The following CCZ1 variants were observed in gnomAD, a reference collection of about 807,000 sequenced individuals.
CCZ1 encodes the protein CCZ1 vacuolar protein trafficking and biogenesis associated.
Under a neutral mutation model 57.8 loss-of-function variants are expected in CCZ1, and 19 were observed. The observed-to-expected ratio is 0.33, with a 90% confidence interval of 0.23 to 0.48. The LOEUF (loss-of-function observed/expected upper bound fraction) is 0.48, where lower values mean the gene tolerates loss of function less well. Ranked by LOEUF, CCZ1 falls within the 20% of genes least tolerant of loss-of-function variation. The pLI is 0.99. For synonymous variants in CCZ1, 81 were observed against 167.0 expected, an observed-to-expected ratio of 0.49 and a Z score of 3.97; for missense variants, 200 against 492.0, an observed-to-expected ratio of 0.41 and a Z score of 5.61.
At chr7:5,911,215 T>C (rs1347237615) in intron 8 of CCZ1, among the ~76,000 whole-genome samples, 1 of 149,256 alleles carries the variant, frequency 6.7e-6, no homozygotes, top group African/African-American at 2.5e-5. Context: ...AGAGAACTTT[T>C]AAATGATATC....
intron 8 of CCZ1, among the ~76,000 whole-genome samples, chr7:5,911,062 T>C (rs892886935): frequency 2.7e-5 from 4 of 148,860 alleles, no homozygotes; most frequent in Non-Finnish European, 5.9e-5. Context: ...GATCGGGTTC[T>C]AGGAACCTTT....
intron 3 of CCZ1, 98 bp downstream of exon 3, chr7:5,900,664 C>T (rs1412465929): frequency 6.4e-6 from 8 of 1,245,228 alleles, no homozygotes; most frequent in South Asian, 1.7e-5. Flanking sequence ...GCTGTTGCAT[C>T]CAAGTAAAAT....
chr7:5,912,377 C>CTTTTTTTTTTTTTTTTTTTTTTT, intron 9 of CCZ1, among the ~76,000 whole-genome samples: 1 of 54,672 alleles, frequency 1.8e-5, no homozygotes, highest in Non-Finnish European at 3.2e-5. Flanking sequence ...TCAGCATACC[C>CTTTTTTTTTTTTTTTTTTTTTTT]TTTTTTTTTT....
rs1308106099 is a variant in CCZ1, at chr7:5,912,846, T to G, written c.846T>G (p.Phe282Leu). Residue 282 changes from phenylalanine to leucine, a missense_variant, in exon 10 of 15, where the codon TTT becomes TTG. Physicochemically the swap from Phe to Leu is conservative, Grantham distance 22 (BLOSUM62 0). Around this residue, in one of 5 missense-constraint regions of CCZ1, gnomAD observed 128 missense variants for 178.4 expected, o/e 0.72. Coordinates refer to ENST00000325974, the MANE Select transcript of CCZ1 (RefSeq NM_015622.6). ...MPGNLQHYGR[F>L]LTGPLNLNDP... ...CATGTCTGTTCTTGCTTTTAAGATT[T>G]CTTACCGGACCCTTGAACCTCAATG... 6.7e-7 allele frequency: 1 copy of G among 1,484,108 alleles called. No homozygotes were observed. The highest frequency in any genetic ancestry group is 2.3e-5 in the East Asian group (1 of 43,794). The allele number at this position is 1,484,108 out of a possible 1,614,324, so 91.9% of individuals were successfully genotyped here.
intron 1 of CCZ1, among the ~76,000 whole-genome samples, chr7:5,899,451 T>G (rs1375196196): frequency 7.1e-6 from 1 of 140,124 alleles, no homozygotes; most frequent in East Asian, 2.3e-4. Context: ...TTCCAGCAAG[T>G]CAGACTTCTG....
intron 7 of CCZ1, among the ~76,000 whole-genome samples, chr7:5,906,806 T>C (rs1166841471): frequency 6.6e-6 from 1 of 150,958 alleles, no homozygotes; most frequent in African/African-American, 2.5e-5. Flanking sequence ...AACAACTTGG[T>C]GGGTTTCCAC....
chr7:5,899,329 A>AGG (rs879316596), intron 1 of CCZ1, among the ~76,000 whole-genome samples: 11 of 62,894 alleles, frequency 1.7e-4, no homozygotes, highest in East Asian at 5.5e-4. Flanking sequence ...TAATTTCGGG[A>AGG]GGGGGGTGTG....
Position 5,925,918 on chromosome 7 carries a change from A to ATTATGTGAATATT in CCZ1, c.*235_*247dup. The ATTATGTGAATATT allele has an allele frequency of 1.4e-6, 1 of 714,180 alleles. No individual in the cohort carries two copies. Among genetic ancestry groups the ATTATGTGAATATT allele is most frequent in the Non-Finnish European group, 2.4e-6 (1 of 423,332 alleles). The allele number at this position is 714,180 out of a possible 1,614,324, so 44.2% of individuals were successfully genotyped here. A position where few individuals can be genotyped will look rare whatever the true frequency, so the allele number is the denominator to read the frequency against. ...ATCGCTATCATTTCATTCTTTTGAC[A>ATTATGTGAATATT]TTATGTGAATATTTTACTGGAAAAT... On this transcript the variant is annotated 3_prime_UTR_variant, in exon 15 of 15. Transcript: ENST00000325974.
intron 5 of CCZ1, chr7:5,901,914 T>G (rs927024202): frequency 3.9e-6 from 2 of 508,274 alleles, no homozygotes; most frequent in African/African-American, 3.9e-5. Flanking sequence ...TTTCTCAGCC[T>G]TATAGTAGGA....
intron 7 of CCZ1, among the ~76,000 whole-genome samples, chr7:5,909,249 T>C (rs1781909775): frequency 2.0e-5 from 3 of 149,486 alleles, no homozygotes; most frequent in Admixed American, 2.0e-4. Context: ...GGTGAGCCTC[T>C]TGATATAATG....
chr7:5,902,509 C>G (rs1781706846), intron 5 of CCZ1, 152 bp from the exon 6 acceptor site: 1 of 1,308,212 alleles, frequency 7.6e-7, no homozygotes, highest in Non-Finnish European at 9.9e-7. Context: ...ACATTTTTAA[C>G]TCAAGTTTTC....
In CCZ1 at chr7:5,907,378, C is replaced by A. The variant is rs79129322; in HGVS notation, c.698+2109C>A. On this transcript the variant is annotated intron_variant, in intron 7 of 14. Coordinates refer to ENST00000325974, the MANE Select transcript of CCZ1 (RefSeq NM_015622.6). ...TGACAGGACGTGCTTGCAAGTCACA[C>A]GCAGCCACAGCGATAGGGAGATGTC... Among the ~76,000 whole-genome samples, 77 of 149,510 alleles carry A rather than the reference C, an allele frequency of 5.2e-4. 12 individuals carry two copies. The East Asian group carries it at 0.017, about 33-fold the overall frequency.
At chr7:5,901,511 AC>A (rs1211134145) in intron 4 of CCZ1, 145 bp from the exon 5 acceptor site, 1 of 1,285,452 alleles carries the variant, frequency 7.8e-7, no homozygotes, top group Non-Finnish European at 1.0e-6. Context: ...GAACGCAAAC[AC>A]TTTTTTTTCA....
intron 8 of CCZ1, among the ~76,000 whole-genome samples, 161 bp from the exon 9 acceptor site, chr7:5,911,700 C>A (rs760216694): frequency 1.3e-5 from 2 of 149,682 alleles, no homozygotes; most frequent in East Asian, 4.4e-4. Context: ...GAGCCATGAT[C>A]ATGCTGCACG....
chr7:5,906,658 G>GTA (rs1243575085), intron 7 of CCZ1, among the ~76,000 whole-genome samples: 1 of 149,060 alleles, frequency 6.7e-6, no homozygotes, highest in Non-Finnish European at 1.5e-5. Context: ...TGGCCATATG[G>GTA]TACTACTATA....
At chr7:5,910,475 T>C (rs183706959) in intron 8 of CCZ1, among the ~76,000 whole-genome samples, 3,094 of 147,484 alleles carry the variant, frequency 0.021, 177 homozygotes, top group South Asian at 0.045. Flanking sequence ...TACAGGTGCC[T>C]GCCACCACGC....
At chr7:5,919,628 GC>G (rs1779199053) in intron 11 of CCZ1, 2 of 549,192 alleles carry the variant, frequency 3.6e-6, no homozygotes, top group East Asian at 3.2e-5. Context: ...TACAGGGTGT[GC>G]CTCGGTCAGC....
chr7:5,900,436 G>C, intron 2 of CCZ1, 37 bp from the exon 3 acceptor site: 1 of 1,584,534 alleles, frequency 6.3e-7, no homozygotes, highest in Non-Finnish European at 8.6e-7. Context: ...ACTGCTGCTG[G>C]AGAATTGTCC....
intron 10 of CCZ1, among the ~76,000 whole-genome samples, chr7:5,914,350 C>T (rs747263358): frequency 4.0e-5 from 6 of 148,544 alleles, no homozygotes; most frequent in Middle Eastern, 6.4e-3. Context: ...GCAGGAGAAC[C>T]GCTTGAGCCC....
Sources: gnomAD v4.1 joint callset for allele counts (sites outside exome capture counted in the v4.1 genomes callset) on GRCh38, gnomAD v4.1.1 for gene constraint, gnomAD v4.1.1 regional missense constraint, MANE v1.5 for transcripts, NCBI Gene and HGNC (gene_info 2026-07-23, HGNC 2026-07-21) for gene names.